The following ITGBL1 variants were observed in gnomAD, a reference collection of about 807,000 sequenced individuals.
ITGBL1 encodes the protein integrin subunit beta like 1.
ITGBL1 carries 51 observed loss-of-function variants against 68.5 expected under a neutral mutation model. The ratio of observed to expected loss-of-function variants is 0.74; its 90% CI spans 0.59 to 0.94. The LOEUF (loss-of-function observed/expected upper bound fraction) is 0.94. Ranked by LOEUF, ITGBL1 falls within the 40% of genes least tolerant of loss-of-function variation. ITGBL1 has a pLI of 0.00. For synonymous variants in ITGBL1, 209 were observed against 227.3 expected, an observed-to-expected ratio of 0.92 and a Z score of 0.72; for missense variants, 649 against 647.4, an observed-to-expected ratio of 1.00 and a Z score of -0.03.
intron 2 of ITGBL1, among the ~76,000 whole-genome samples, chr13:101,504,237 A>G (rs554324645): frequency 9.2e-5 from 14 of 152,196 alleles, no homozygotes; most frequent in Non-Finnish European, 1.9e-4. Flanking sequence ...TTTTTCTTAT[A>G]AAACTGTTCA....
intron 7 of ITGBL1, among the ~76,000 whole-genome samples, chr13:101,636,729 C>A (rs2032181719): frequency 6.6e-6 from 1 of 152,162 alleles, no homozygotes; most frequent in African/African-American, 2.4e-5. Context: ...ATTCCTCACA[C>A]TGTGTAATAC....
At chr13:101,483,819 A>T (rs1161708459) in intron 2 of ITGBL1, among the ~76,000 whole-genome samples, 1 of 152,228 alleles carries the variant, frequency 6.6e-6, no homozygotes, top group African/African-American at 2.4e-5. Flanking sequence ...TGGCTTAAAT[A>T]ACTCAGATAA....
At chr13:101,462,609 T>C (rs907228394) in intron 2 of ITGBL1, among the ~76,000 whole-genome samples, 1 of 152,098 alleles carries the variant, frequency 6.6e-6, no homozygotes, top group Non-Finnish European at 1.5e-5. Context: ...TTGAGTTGGA[T>C]TCTCGCTGTG....
chr13:101,690,701 T>C (rs1038643480), intron 7 of ITGBL1, among the ~76,000 whole-genome samples: 1 of 152,130 alleles, frequency 6.6e-6, no homozygotes, highest in Non-Finnish European at 1.5e-5. Flanking sequence ...ACACTACTAA[T>C]AGATAGAGAG....
chr13:101,664,840 T>C (rs1197961455), intron 7 of ITGBL1, among the ~76,000 whole-genome samples: 1 of 152,182 alleles, frequency 6.6e-6, no homozygotes, highest in African/African-American at 2.4e-5. Context: ...TTAAAGTGAT[T>C]CTCCTGCTTC....
At chr13:101,593,571 T>G (rs1468399649) in intron 6 of ITGBL1, among the ~76,000 whole-genome samples, 1 of 152,078 alleles carries the variant, frequency 6.6e-6, no homozygotes, top group African/African-American at 2.4e-5. Flanking sequence ...ATATACACAA[T>G]GGATAATTCT....
chr13:101,534,232 A>T (rs963442685), intron 2 of ITGBL1, among the ~76,000 whole-genome samples: 3 of 152,156 alleles, frequency 2.0e-5, no homozygotes, highest in Admixed American at 2.0e-4. Context: ...GTGGGGAGGA[A>T]GGAGAAACAG....
At chr13:101,616,665 A>G (rs1001434351) in intron 7 of ITGBL1, among the ~76,000 whole-genome samples, 2 of 151,922 alleles carry the variant, frequency 1.3e-5, no homozygotes, top group East Asian at 1.9e-4. Flanking sequence ...TAATTTTTGT[A>G]TTTTTAGTAG....
chr13:101,575,907 T>C (rs2050351024), intron 4 of ITGBL1, among the ~76,000 whole-genome samples: 1 of 152,146 alleles, frequency 6.6e-6, no homozygotes, highest in Non-Finnish European at 1.5e-5. Flanking sequence ...GTTTTTCCCT[T>C]TCTAAAACAT....
intron 9 of ITGBL1, chr13:101,712,516 AT>A (rs2034516252): frequency 6.6e-6 from 1 of 152,176 alleles, no homozygotes; most frequent in Admixed American, 6.5e-5. Context: ...TATTTCATGA[AT>A]TGTGACATAT....
chr13:101,481,894 G>A (rs1021031077), intron 2 of ITGBL1, among the ~76,000 whole-genome samples: 2 of 151,946 alleles, frequency 1.3e-5, no homozygotes, highest in East Asian at 3.9e-4. Flanking sequence ...GGTGATTAGC[G>A]TATCCATCAC....
intron 7 of ITGBL1, among the ~76,000 whole-genome samples, chr13:101,632,876 C>T (rs1313106392): frequency 6.6e-6 from 1 of 152,150 alleles, no homozygotes; most frequent in Non-Finnish European, 1.5e-5. Context: ...AGTTTAATTT[C>T]ACCTGATGAT....
At chr13:101,494,091 G>A (rs933084742) in intron 2 of ITGBL1, among the ~76,000 whole-genome samples, 2 of 152,168 alleles carry the variant, frequency 1.3e-5, no homozygotes, top group African/African-American at 2.4e-5. Context: ...ATTACATGCA[G>A]CATGTGTTTA....
chr13:101,453,969 T>G lies in ITGBL1; in HGVS notation c.185T>G (p.Leu62Arg). 1.3e-6 allele frequency: 2 copies of G among 1,521,858 alleles called. No homozygotes were observed. The highest frequency in any genetic ancestry group is 1.4e-5 in the African/African-American group (1 of 71,042). 94.3% of individuals were successfully genotyped at this position (1,521,858 alleles called of 1,614,324 possible). A position where few individuals can be genotyped will look rare whatever the true frequency, so the allele number is the denominator to read the frequency against. ...RAPGQPPGAA[L>R]CHGRGRCDCG... ...CCTGGGCAGCCCCCGGGGGCCGCGCTGTGCCACGGCCGGGGCCGCTGCGAC... is the reference window on the plus strand; with the variant it reads ...CCTGGGCAGCCCCCGGGGGCCGCGCGGTGCCACGGCCGGGGCCGCTGCGAC... The change falls in exon 2 of 11, where the codon CTG becomes CGG. Residue 62 changes from leucine (L) to arginine (R), a missense_variant. Leu to Arg is a moderately radical substitution (Grantham distance 102). Coordinates refer to ENST00000376180, the MANE Select transcript of ITGBL1 (RefSeq NM_004791.3).
intron 6 of ITGBL1, among the ~76,000 whole-genome samples, chr13:101,590,445 A>T (rs1228568152): frequency 4.6e-5 from 7 of 151,936 alleles, no homozygotes; most frequent in African/African-American, 1.7e-4. Flanking sequence ...ACTGCTTGTG[A>T]ATTCAGGTGG....
At chr13:101,684,583 C>A (rs748929602) in intron 7 of ITGBL1, among the ~76,000 whole-genome samples, 1 of 151,920 alleles carries the variant, frequency 6.6e-6, no homozygotes, top group Non-Finnish European at 1.5e-5. Flanking sequence ...CTAATATACT[C>A]TCTTAATAAT....
At chr13:101,470,308 C>A (rs996185485) in intron 2 of ITGBL1, among the ~76,000 whole-genome samples, 1 of 151,896 alleles carries the variant, frequency 6.6e-6, no homozygotes, top group Non-Finnish European at 1.5e-5. Context: ...ATAGGCATTA[C>A]TATTTTATTC....
intron 7 of ITGBL1, among the ~76,000 whole-genome samples, chr13:101,604,674 A>G (rs2030582439): frequency 6.6e-6 from 1 of 150,572 alleles, no homozygotes; most frequent in South Asian, 2.1e-4. Context: ...AAACTTGTAA[A>G]GAGTTCGTTT....
chr13:101,677,256 G>GA (rs957948039), intron 7 of ITGBL1, among the ~76,000 whole-genome samples: 38 of 152,244 alleles, frequency 2.5e-4, no homozygotes, highest in African/African-American at 8.4e-4. Flanking sequence ...TATTAGGTGT[G>GA]AAAAAACTAT....
Sources: gnomAD v4.1 joint callset for allele counts (sites outside exome capture counted in the v4.1 genomes callset) on GRCh38, gnomAD v4.1.1 for gene constraint, MANE v1.5 for transcripts, NCBI Gene and HGNC (gene_info 2026-07-23, HGNC 2026-07-21) for gene names.